Variants in ASTN2 observed in about 807,000 individuals in gnomAD.
ASTN2 encodes the protein astrotactin-2.
Under a neutral mutation model 139.8 loss-of-function variants are expected in ASTN2, and 54 were observed. That is an observed-to-expected ratio of 0.39 (90% CI 0.31 to 0.48). ASTN2 has a LOEUF of 0.48. Ranked by LOEUF, ASTN2 falls within the 20% of genes least tolerant of loss-of-function variation. The pLI, the probability that ASTN2 is intolerant of heterozygous loss-of-function variation, is 0.95. For missense variants in ASTN2, 1,565 were observed against 1,725.1 expected (o/e 0.91, Z 1.64); for synonymous variants, 756 against 719.5 (o/e 1.05, Z -0.81).
At chr9:117,231,844 G>A (rs1832901054) in intron 2 of ASTN2, among the ~76,000 whole-genome samples, 1 of 152,166 alleles carries the variant, frequency 6.6e-6, no homozygotes, top group Non-Finnish European at 1.5e-5. Context: ...ACAAACATAA[G>A]AATCTCGTCT....
At chr9:116,956,580 G>A (rs552226854) in intron 10 of ASTN2, among the ~76,000 whole-genome samples, 2 of 151,384 alleles carry the variant, frequency 1.3e-5, no homozygotes, top group African/African-American at 4.8e-5. Context: ...TGGAAATTAG[G>A]CAAGAAAAAT....
rs1376741553 is a variant in ASTN2 at position 117,364,984 on chromosome 9, CACACACACACACACAA to C, written c.442+49497_442+49512del. 3.0e-4 allele frequency among the ~76,000 whole-genome samples: 45 copies of C among 147,832 alleles called. No homozygotes were observed. The East Asian group carries it at 3.2e-3, about 10-fold the overall frequency. ...ACACACACACACACACACACACACACACACACACACACACAAAATCAGCCATGCATTATGGCATGCA... is the reference window on the plus strand; with the variant it reads ...ACACACACACACACACACACACACACAATCAGCCATGCATTATGGCATGCA... On this transcript the variant is annotated intron_variant, in intron 1 of 22. Coordinates refer to ENST00000313400, the MANE Select transcript of ASTN2 (RefSeq NM_001365068.1).
At chr9:117,408,884 C>A (rs906020843) in intron 1 of ASTN2, among the ~76,000 whole-genome samples, 2 of 152,150 alleles carry the variant, frequency 1.3e-5, no homozygotes, top group Non-Finnish European at 2.9e-5. Context: ...TAAATTTCAT[C>A]GGCTTTGAGA....
In ASTN2 at chr9:116,666,465, C is replaced by A. The variant is rs757019625; in HGVS notation, c.2807-14672G>T. ...GACATAATGAAACTCACATATACTT[C>A]TATCACATTACCATTATTACAAATC... On this transcript the variant is annotated intron_variant, in intron 16 of 22. Transcript: ENST00000313400. 4.6e-5 allele frequency among the ~76,000 whole-genome samples: 7 copies of A among 152,152 alleles called. 1 individual carries two copies. The highest frequency in any genetic ancestry group is 7.4e-5 in the Non-Finnish European group (5 of 68,016).
At chr9:116,590,144 C>T (rs1854320571) in intron 19 of ASTN2, among the ~76,000 whole-genome samples, 1 of 152,174 alleles carries the variant, frequency 6.6e-6, no homozygotes, top group Non-Finnish European at 1.5e-5. Context: ...GAAGCCCCAC[C>T]CACTTCCAAG....
At chr9:116,558,652 CT>C (rs1852754154) in intron 19 of ASTN2, among the ~76,000 whole-genome samples, 1 of 152,132 alleles carries the variant, frequency 6.6e-6, no homozygotes, top group South Asian at 2.1e-4. Flanking sequence ...GAGATGCTTG[CT>C]TTTGTCAAGC....
chr9:116,924,628 T>C (rs531591732), intron 10 of ASTN2, among the ~76,000 whole-genome samples: 96 of 152,210 alleles, frequency 6.3e-4, no homozygotes, highest in African/African-American at 2.2e-3. Context: ...ATAAGGTAAC[T>C]TTCTGACGTT....
chr9:116,508,047 C>T (rs1377502625), intron 19 of ASTN2, among the ~76,000 whole-genome samples: 1 of 152,110 alleles, frequency 6.6e-6, no homozygotes, highest in African/African-American at 2.4e-5. Context: ...TGCCACCATG[C>T]CCGGCTAATT....
At position 117,286,354 on chromosome 9, in the gene ASTN2, C is replaced by CTTTT. The variant is rs35094114; in HGVS notation, c.630+4968_630+4971dup. 4.0e-3 allele frequency among the ~76,000 whole-genome samples: 542 copies of CTTTT among 135,740 alleles called. 30 individuals carry two copies. The highest frequency in any genetic ancestry group is 0.034 in the Admixed American group (440 of 12,904). 89.1% of individuals were successfully genotyped at this position (135,740 alleles called of 152,430 possible). On this transcript the variant is annotated intron_variant, in intron 2 of 22. Transcript: ENST00000313400. The stretch of plus-strand genomic sequence containing the variant: ...GAAGCAGATAAACTCTTCCCACTTT[C>CTTTT]TTTTTTTTTTTTTTTTGAGCAGAGT...
intron 20 of ASTN2, among the ~76,000 whole-genome samples, chr9:116,455,312 G>T (rs1413823089): frequency 1.4e-5 from 2 of 146,676 alleles, no homozygotes; most frequent in Non-Finnish European, 3.0e-5. Flanking sequence ...TTGTGCCACT[G>T]CATTCCAGCC....
chr9:116,492,371 T>C (rs2119105709), intron 19 of ASTN2, among the ~76,000 whole-genome samples: 1 of 152,266 alleles, frequency 6.6e-6, no homozygotes, highest in East Asian at 1.9e-4. Flanking sequence ...CATGAGCCAC[T>C]GTGAGAGCCT....
At chr9:116,919,371 G>C (rs1834534187) in intron 10 of ASTN2, among the ~76,000 whole-genome samples, 1 of 152,164 alleles carries the variant, frequency 6.6e-6, no homozygotes, top group Admixed American at 6.5e-5. Flanking sequence ...AAATGTAGAA[G>C]AGAAATGGAA....
intron 4 of ASTN2, among the ~76,000 whole-genome samples, chr9:117,117,214 C>T (rs1829417488): frequency 6.6e-6 from 1 of 152,060 alleles, no homozygotes; most frequent in Non-Finnish European, 1.5e-5. Context: ...CTGTGGAAGA[C>T]ACATGAAAGT....
intron 7 of ASTN2, among the ~76,000 whole-genome samples, chr9:116,979,006 C>CAA (rs1172936301): frequency 3.3e-5 from 5 of 152,278 alleles, no homozygotes; most frequent in African/African-American, 1.2e-4. Context: ...GAAATGTATG[C>CAA]ATTCATCAAG....
Position 116,487,510 on chromosome 9 carries a change from G to C in ASTN2, c.3356-10C>G. ...AAACTCAGGAATTCTCCTGGAGGGA[G>C]AAAAAGAAAGATGAGCTCCCCAGCT... On this transcript the variant is annotated splice_polypyrimidine_tract_variant and intron_variant, in intron 19 of 22. Transcript: ENST00000313400. 1.2e-6 allele frequency: 2 copies of C among 1,611,976 alleles called. No individual in the cohort carries two copies. Among genetic ancestry groups the C allele is most frequent in the Non-Finnish European group, 1.7e-6 (2 of 1,179,322 alleles).
chr9:116,982,860 G>T (rs1014008384), intron 7 of ASTN2, among the ~76,000 whole-genome samples: 1 of 152,174 alleles, frequency 6.6e-6, no homozygotes, highest in Non-Finnish European at 1.5e-5. Flanking sequence ...ACGAAGACAT[G>T]TTGCCTGTGT....
At chr9:117,144,680 TTTTTTTTTTTTTTTTTTTTG>T (rs1432643701) in intron 3 of ASTN2, among the ~76,000 whole-genome samples, 1 of 70,462 alleles carries the variant, frequency 1.4e-5, no homozygotes. Context: ...TTTTTTTTTT[TTTTTTTTTTTTTTTTTTTTG>T]AGATGGAGTC....
intron 19 of ASTN2, among the ~76,000 whole-genome samples, chr9:116,593,065 G>A (rs1425366222): frequency 6.6e-6 from 1 of 152,216 alleles, no homozygotes; most frequent in Non-Finnish European, 1.5e-5. Flanking sequence ...CATGACACAT[G>A]AATTGGAAGA....
At chr9:116,596,775 G>T (rs973181669) in intron 19 of ASTN2, among the ~76,000 whole-genome samples, 15 of 152,170 alleles carry the variant, frequency 9.9e-5, no homozygotes, top group Non-Finnish European at 2.1e-4. Context: ...AGGTAGTCAG[G>T]AAAGGCTTTC....
Sources: allele counts gnomAD v4.1 joint callset (sites outside exome capture counted in the v4.1 genomes callset), GRCh38; gene constraint gnomAD v4.1.1; transcripts MANE v1.5; gene names NCBI Gene and HGNC (gene_info 2026-07-23, HGNC 2026-07-21).